KMT2D: variants seen among roughly 807,000 people sequenced by gnomAD.
The protein encoded by KMT2D is lysine methyltransferase 2D, also known as histone-lysine N-methyltransferase 2D.
In KMT2D, 55 loss-of-function variants were observed where a neutral mutation model predicts 512.7. The ratio of observed to expected loss-of-function variants is 0.11; its 90% CI spans 0.09 to 0.13. The LOEUF is 0.13. Among genes scored for constraint, KMT2D ranks in the 10% least tolerant of loss-of-function variants. The pLI, the probability that KMT2D is intolerant of heterozygous loss-of-function variation, is 1.00. For synonymous variants in KMT2D, 2,995 were observed against 2,904.0 expected (o/e 1.03, Z -1.01); for missense variants, 6,061 against 7,127.9 (o/e 0.85, Z 5.39).
rs1938099253 is a variant in KMT2D, at chr12:49,052,172, G to A, written c.1511C>T (p.Ser504Phe). The change falls in exon 11 of 55, where the codon TCT becomes TTT. Residue 504 changes from serine to phenylalanine, a missense_variant. Around this residue, in one of 16 missense-constraint regions of KMT2D, gnomAD observed 848 missense variants for 838.5 expected, o/e 1.01. Coordinates refer to ENST00000301067, the MANE Select transcript of KMT2D (RefSeq NM_003482.4). The stretch of plus-strand genomic sequence containing the variant: ...AAAAGGTGATGATTCAGGTGGGGGA[G>A]ACAGAGGAGACTCCTCAGGCGGCGG... ...LSPPPEESPL[S>F]PPPESSPFSP... The A allele has an allele frequency of 6.2e-7, 1 of 1,613,590 alleles. No individual in the cohort carries two copies. Among genetic ancestry groups the A allele is most frequent in the East Asian group, 2.2e-5 (1 of 44,856 alleles).
At chr12:49,049,650 T>G in intron 12 of KMT2D, 32 bp downstream of exon 12, 1 of 1,540,688 alleles carries the variant, frequency 6.5e-7, no homozygotes, top group Non-Finnish European at 8.8e-7. Flanking sequence ...GGGCTAACTC[T>G]AATCACATCC....
rs773937288 is a variant in KMT2D at position 49,038,275 on chromosome 12, G to A, written c.9081C>T (p.Thr3027=). 6.2e-7 allele frequency: 1 copy of A among 1,613,836 alleles called. No individual in the cohort carries two copies. The highest frequency in any genetic ancestry group is 8.5e-7 in the Non-Finnish European group (1 of 1,179,886). Residue 3027 remains threonine (T), a synonymous_variant, in exon 35 of 55, where the codon ACC becomes ACT. Coordinates refer to ENST00000301067, the MANE Select transcript of KMT2D (RefSeq NM_003482.4). This position sits in a 1 kb window ranked among gnomAD's most constrained non-coding sequence, Gnocchi z 5.7. ...GGTCATTGGTCTCCAGGTTTTCTAAGGTGCCAAGTTCATCATCACCCTTGG... is the reference window on the plus strand; with the variant it reads ...GGTCATTGGTCTCCAGGTTTTCTAAAGTGCCAAGTTCATCATCACCCTTGG... The part of the protein sequence containing the change: ...DVAKGDDELG[T]LENLETNDPH...
At position 49,026,945 on chromosome 12, in the gene KMT2D, C is replaced by T. The variant is rs1033688222; in HGVS notation, c.15021G>A (p.Arg5007=). The T allele has an allele frequency of 6.2e-7, 1 of 1,613,890 alleles. No individual in the cohort carries two copies. The highest frequency in any genetic ancestry group is 1.3e-5 in the African/African-American group (1 of 74,930). ...GCTGCTCCATAAACTCTGCCACTTC[C>T]CGCTCATCCTCCTGCCGCCCACTGC... The part of the protein sequence containing the change: ...QKGSGRQEDE[R]EVAEFMEQLG... Residue 5007 remains arginine, a synonymous_variant, in exon 49 of 55, where the codon CGG becomes CGA. Coordinates refer to ENST00000301067, the MANE Select transcript of KMT2D (RefSeq NM_003482.4). This position sits in a 1 kb window ranked among gnomAD's most constrained non-coding sequence, Gnocchi z 9.6.
chr12:49,038,543 G>A lies in KMT2D; in HGVS notation c.8813C>T (p.Pro2938Leu), dbSNP rs142395705. 359 of 1,611,490 alleles carry A rather than the reference G, an allele frequency of 2.2e-4. 2 individuals are homozygous for A. The East Asian group carries it at 3.8e-3, about 17-fold the overall frequency. Reference sequence around the variant, plus strand: ...AAGACTGTTGTTCAATTCAGGGGCCGGTGGGGCTGAGGGTTTCTGTGGGGG... The same window carrying A: ...AAGACTGTTGTTCAATTCAGGGGCCAGTGGGGCTGAGGGTTTCTGTGGGGG... Reference protein sequence around the residue: ...GLPPQKPSAPPAPELNNSLHP... With the variant: ...GLPPQKPSAPLAPELNNSLHP... Residue 2938 changes from proline (P) to leucine (L), a missense_variant, in exon 35 of 55, where the codon CCG becomes CTG. Around this residue, in one of 16 missense-constraint regions of KMT2D, gnomAD observed 527 missense variants for 578.9 expected, o/e 0.91. Transcript: ENST00000301067. The surrounding 1 kb of genome is among the most constrained non-coding windows in gnomAD (Gnocchi z 5.7).
In KMT2D at chr12:49,039,056, G is replaced by A. The variant is rs373778883; in HGVS notation, c.8367-67C>T. 6.6e-7 allele frequency: 1 copy of A among 1,521,962 alleles called. No individual in the cohort carries two copies. The highest frequency in any genetic ancestry group is 9.0e-7 in the Non-Finnish European group (1 of 1,113,758). The allele number at this position is 1,521,962 out of a possible 1,614,324, so 94.3% of individuals were successfully genotyped here. A position where few individuals can be genotyped will look rare whatever the true frequency, so the allele number is the denominator to read the frequency against. On this transcript the variant is annotated intron_variant, in intron 34 of 54. Transcript: ENST00000301067. The surrounding 1 kb of genome is among the most constrained non-coding windows in gnomAD (Gnocchi z 5.0). ...AAAGGAGCAAGAACATGGGCTTAGGGCAGTGAGGAAGGATAGAATTAATGC... is the reference window on the plus strand; with the variant it reads ...AAAGGAGCAAGAACATGGGCTTAGGACAGTGAGGAAGGATAGAATTAATGC...
rs370070234 is a variant in KMT2D, at chr12:49,046,118, G to A, written c.4640C>T (p.Ala1547Val). ...LFTEDDVEQA[A>V]DEGFDCVSCQ... is the part of the protein sequence containing the mutation. ...GGAGACACAGTCAAAGCCTTCATCG[G>A]CTGCCTGCTCCACATCGTCCTCTGT... Residue 1547 changes from alanine (A) to valine (V), a missense_variant, in exon 18 of 55, where the codon GCC (alanine) becomes GTC (valine). Physicochemically the swap from Ala to Val is moderately conservative, Grantham distance 64 (BLOSUM62 0). This residue lies in a region of KMT2D where 640 missense variants were observed against 814.3 expected (regional missense o/e 0.79). Coordinates refer to ENST00000301067, the MANE Select transcript of KMT2D (RefSeq NM_003482.4). The surrounding 1 kb of genome is among the most constrained non-coding windows in gnomAD (Gnocchi z 4.2). The A allele has an allele frequency of 4.3e-6, 7 of 1,610,676 alleles. No homozygotes were observed. Among genetic ancestry groups the A allele is most frequent in the African/African-American group, 1.3e-5 (1 of 74,854 alleles).
rs2120522692 is a variant in KMT2D at position 49,040,132 on chromosome 12, G to T, written c.7638C>A (p.Ser2546=). The change falls in exon 32 of 55, where the codon TCC becomes TCA. Residue 2546 remains serine, a synonymous_variant. Coordinates refer to ENST00000301067, the MANE Select transcript of KMT2D (RefSeq NM_003482.4). ...FTFPQAVGEP[S]LKPPVPQPGL... is the part of the protein sequence containing the mutation. ...CAGGCTGAGGGACAGGGGGCTTTAG[G>T]GAAGGCTCCCCTACTGCCTGAGGGA... is the stretch of plus-strand genomic sequence containing the variant. The T allele has an allele frequency of 6.2e-7, 1 of 1,613,858 alleles. No homozygotes were observed.
At chr12:49,050,831 G>A (rs1272711730) in intron 11 of KMT2D, 41 bp from the exon 12 acceptor site, 1 of 1,572,296 alleles carries the variant, frequency 6.4e-7, no homozygotes, top group Non-Finnish European at 8.7e-7. Context: ...TAGATTAGAT[G>A]TGCCATGAAG....
rs747016071 is a variant in KMT2D, at chr12:49,033,881, T to TTGC, written c.10821_10823dup (p.Gln3612dup). 2.2e-5 allele frequency: 34 copies of TTGC among 1,539,354 alleles called. No homozygotes were observed. Among genetic ancestry groups the TTGC allele is most frequent in the East Asian group, 4.8e-5 (2 of 41,574 alleles). Reference sequence around the variant, plus strand: ...GCACAGCTGAGTGCTGTTGCTGTTGTTGCTGCTGCTGCTGCTGTTGTTGCT... The same window carrying TTGC: ...GCACAGCTGAGTGCTGTTGCTGTTGTTGCTGCTGCTGCTGCTGCTGTTGTTGCT... On this transcript the variant is annotated inframe_insertion, in exon 40 of 55. Transcript: ENST00000301067.
In KMT2D at chr12:49,044,951, G is replaced by A. The variant is rs759873461; in HGVS notation, c.4756C>T (p.Arg1586Cys). The A allele has an allele frequency of 9.3e-6, 15 of 1,613,708 alleles. No individual in the cohort carries two copies. The highest frequency in any genetic ancestry group is 3.3e-5 in the Admixed American group (2 of 60,010). ...TCTGTCAGCCACACACCTTCGAAGC[G>A]AAAGTACTGGGGCTCTGCATAAGAG... ...KVKEPEPQYF[R>C]FEGVWLTETG... The change falls in exon 20 of 55, where the codon CGC (arginine) becomes TGC (cysteine). Residue 1586 changes from arginine to cysteine, a missense_variant. By Grantham distance (180) the Arg-to-Cys change is radical (BLOSUM62 -3). This residue lies in a region of KMT2D where 640 missense variants were observed against 814.3 expected (regional missense o/e 0.79). Coordinates refer to ENST00000301067, the MANE Select transcript of KMT2D (RefSeq NM_003482.4). This position sits in a 1 kb window ranked among gnomAD's most constrained non-coding sequence, Gnocchi z 6.4.
In KMT2D at chr12:49,031,366, T is replaced by C. The variant is rs746318771; in HGVS notation, c.13339A>G (p.Asn4447Asp). 3 of 1,613,602 alleles carry C rather than the reference T, an allele frequency of 1.9e-6. No individual in the cohort carries two copies. The highest frequency in any genetic ancestry group is 2.2e-5 in the South Asian group (2 of 91,078). Residue 4447 changes from asparagine to aspartate, a missense_variant, in exon 40 of 55, where the codon AAC becomes GAC. Asn to Asp is a conservative substitution (Grantham distance 23). This residue lies in a region of KMT2D where 1,600 missense variants were observed against 1,754.9 expected (regional missense o/e 0.91). Transcript: ENST00000301067. ...CGAGGGCCTGCCAGCAGGAGGTGGT[T>C]GCTGGTTCCTGGTGCCCCTATTGGC... ...GEPIGAPGTS[N>D]HLLLAGPRSE...
Position 49,039,306 on chromosome 12 carries a change from A to G in KMT2D, c.8282T>C (p.Leu2761Pro). Residue 2761 changes from leucine (L) to proline (P), a missense_variant, in exon 34 of 55, where the codon CTG (leucine) becomes CCG (proline). Physicochemically the swap from Leu to Pro is moderately conservative, Grantham distance 98. Transcript: ENST00000301067. The surrounding 1 kb of genome is among the most constrained non-coding windows in gnomAD (Gnocchi z 5.0). ...ATCGCTAGGGAAGGACCCTGGCCCC[A>G]GGATGGGGCCACTCAGCTTGCTTGG... The part of the protein sequence containing the change: ...LPPSKLSGPI[L>P]GPGSFPSDDR... The G allele has an allele frequency of 6.2e-7, 1 of 1,613,784 alleles. No homozygotes were observed. The highest frequency in any genetic ancestry group is 1.1e-5 in the South Asian group (1 of 91,092).
rs1565781967 is a variant in KMT2D at position 49,034,789 on chromosome 12, CCCATTCCAGCCCTGAGT to C, written c.10355+6_10355+22del. The C allele has an allele frequency of 6.2e-7, 1 of 1,611,172 alleles. No homozygotes were observed. Among genetic ancestry groups the C allele is most frequent in the East Asian group, 2.2e-5 (1 of 44,796 alleles). ...GTGACTGGGAAAGAAAAGGGCCAAC[CCCATTCCAGCCCTGAGT>C]CTTACCTGTTCATACCAGGTGCCAC... On this transcript the variant is annotated splice_donor_region_variant and intron_variant, in intron 36 of 54. Coordinates refer to ENST00000301067, the MANE Select transcript of KMT2D (RefSeq NM_003482.4).
At position 49,031,268 on chromosome 12, in the gene KMT2D, C is replaced by A. The variant is rs727503981; in HGVS notation, c.13437G>T (p.Gly4479=). The A allele has an allele frequency of 2.5e-6, 4 of 1,613,358 alleles. No homozygotes were observed. The Middle Eastern group carries it at 4.9e-4, about 200-fold the overall frequency. ...TGATCTCAGCTCGCAGCCCCTCGGA[C>A]CCCCGCCCAGTGCTGAGTTGCACAT... is the stretch of plus-strand genomic sequence containing the variant. ...AKNVQLSTGR[G]SEGLRAEING... The change falls in exon 40 of 55, where the codon GGG becomes GGT. Residue 4479 remains glycine, a synonymous_variant. Coordinates refer to ENST00000301067, the MANE Select transcript of KMT2D (RefSeq NM_003482.4).
chr12:49,054,173 C>A lies in KMT2D; in HGVS notation c.511-33G>T. ...GGTGAAAAAAGAGCCTCAGTGTCAG[C>A]CAGCTCTCCCCAGACAAACAGTTCA... On this transcript the variant is annotated intron_variant, in intron 5 of 54. Transcript: ENST00000301067. The surrounding 1 kb of genome is among the most constrained non-coding windows in gnomAD (Gnocchi z 6.4). 6.4e-7 allele frequency: 1 copy of A among 1,556,650 alleles called. No homozygotes were observed.
chr12:49,054,827 C>A lies in KMT2D; in HGVS notation c.176+73G>T. 6.2e-7 allele frequency: 1 copy of A among 1,604,212 alleles called. No homozygotes were observed. The highest frequency in any genetic ancestry group is 8.5e-7 in the Non-Finnish European group (1 of 1,172,548). ...ATCTGGCATGCCCATGCTTCCCCAA[C>A]ACTCATTTTCCTAAATTCTCTTCCT... On this transcript the variant is annotated intron_variant, in intron 3 of 54. Coordinates refer to ENST00000301067, the MANE Select transcript of KMT2D (RefSeq NM_003482.4). The surrounding 1 kb of genome is among the most constrained non-coding windows in gnomAD (Gnocchi z 6.4).
In KMT2D at chr12:49,021,695, G is replaced by T; in HGVS notation, c.*85C>A. 2 of 1,186,312 alleles carry T rather than the reference G, an allele frequency of 1.7e-6. No individual in the cohort carries two copies. The highest frequency in any genetic ancestry group is 2.5e-6 in the Non-Finnish European group (2 of 813,334). 73.5% of individuals were successfully genotyped at this position (1,186,312 alleles called of 1,614,324 possible). On this transcript the variant is annotated 3_prime_UTR_variant, in exon 55 of 55. Transcript: ENST00000301067. ...AGCCCCAACCCTGGGTCCTGGCTCT[G>T]GCTGCTACCTCTCTTCCCCCTCATC... is the stretch of plus-strand genomic sequence containing the variant.
At chr12:49,053,764 T>C in intron 6 of KMT2D, 123 bp from the exon 7 acceptor site, 1 of 1,223,490 alleles carries the variant, frequency 8.2e-7, no homozygotes, top group African/African-American at 1.5e-5. Flanking sequence ...ACTGAGTGCC[T>C]GCCCAACGTC....
chr12:49,033,210 G>A lies in KMT2D; in HGVS notation c.11495C>T (p.Ser3832Phe). 1 of 1,551,234 alleles carries A rather than the reference G, an allele frequency of 6.4e-7. No individual in the cohort carries two copies. The highest frequency in any genetic ancestry group is 8.7e-7 in the Non-Finnish European group (1 of 1,146,796). Reference protein sequence around the residue: ...GPHRQVLMTQSRVLSSPQLAQ... With the variant: ...GPHRQVLMTQFRVLSSPQLAQ... ...CAGCTGGGGGGAACTGAGCACCCGG[G>A]ACTGGGTCATAAGCACCTGTCTGTG... Residue 3832 changes from serine to phenylalanine, a missense_variant, in exon 40 of 55, where the codon TCC (serine) becomes TTC (phenylalanine). Physicochemically the swap from Ser to Phe is radical, Grantham distance 155. Around this residue, in one of 16 missense-constraint regions of KMT2D, gnomAD observed 1,600 missense variants for 1,754.9 expected, o/e 0.91. Transcript: ENST00000301067.
Sources: allele counts gnomAD v4.1 joint callset, GRCh38; gene constraint gnomAD v4.1.1; regional missense constraint gnomAD v4.1.1; non-coding constraint Gnocchi (gnomAD v3.1); transcripts MANE v1.5; gene names NCBI Gene and HGNC (gene_info 2026-07-23, HGNC 2026-07-21).